TMCC1: variants seen among roughly 807,000 people sequenced by gnomAD.
TMCC1 encodes transmembrane and coiled-coil domains protein 1.
A neutral mutation model predicts 52.4 loss-of-function variants in TMCC1; 15 were observed. The observed-to-expected ratio is 0.29, with a 90% CI of 0.19 to 0.44. The LOEUF (loss-of-function observed/expected upper bound fraction) is 0.44, where lower values mean the gene tolerates loss of function less well. Ranked by LOEUF, TMCC1 falls within the 20% of genes least tolerant of loss-of-function variation. The pLI, the probability that TMCC1 is intolerant of heterozygous loss-of-function variation, is 1.00. For missense variants in TMCC1, 503 were observed against 806.0 expected (o/e 0.62, Z 4.55); for synonymous variants, 279 against 301.9 (o/e 0.92, Z 0.79).
chr3:129,686,678 T>G (rs1560189753), intron 4 of TMCC1, among the ~76,000 whole-genome samples: 1 of 152,118 alleles, frequency 6.6e-6, no homozygotes, highest in East Asian at 1.9e-4. Flanking sequence ...ATAAATTGTG[T>G]AAAGTGCTAC....
chr3:129,766,758 A>G (rs1231940343), intron 4 of TMCC1, among the ~76,000 whole-genome samples: 1 of 151,754 alleles, frequency 6.6e-6, no homozygotes, highest in East Asian at 1.9e-4. Context: ...AGCTGGGACT[A>G]CAGGCGTGCA....
intron 2 of TMCC1, among the ~76,000 whole-genome samples, chr3:129,866,319 TA>T (rs1359800958): frequency 2.1e-5 from 3 of 144,392 alleles, no homozygotes; most frequent in African/African-American, 7.6e-5. Context: ...ATATATTATA[TA>T]TACATATATA....
chr3:129,849,444 A>G (rs915342875), intron 2 of TMCC1, among the ~76,000 whole-genome samples: 7 of 151,350 alleles, frequency 4.6e-5, no homozygotes, highest in African/African-American at 1.7e-4. Context: ...CCTGGGCAAC[A>G]GAGCGAGACT....
At chr3:129,722,153 T>C (rs563624736) in intron 4 of TMCC1, among the ~76,000 whole-genome samples, 19 of 152,226 alleles carry the variant, frequency 1.2e-4, no homozygotes, top group African/African-American at 4.1e-4. Flanking sequence ...CGCAGACCAG[T>C]ACAGGTCAGT....
chr3:129,878,661 T>C (rs929638549), intron 2 of TMCC1, among the ~76,000 whole-genome samples: 1 of 152,102 alleles, frequency 6.6e-6, no homozygotes, highest in African/African-American at 2.4e-5. Flanking sequence ...ATAAATCAGA[T>C]CATGTCACCC....
At chr3:129,674,297 G>T (rs991812346) in intron 4 of TMCC1, among the ~76,000 whole-genome samples, 4 of 152,166 alleles carry the variant, frequency 2.6e-5, no homozygotes, top group African/African-American at 9.7e-5. Context: ...GCCATAGTGT[G>T]TCCTGGCTCC....
chr3:129,866,149 C>T (rs2060617096), intron 2 of TMCC1, among the ~76,000 whole-genome samples: 1 of 151,534 alleles, frequency 6.6e-6, no homozygotes, highest in African/African-American at 2.4e-5. Flanking sequence ...TCTAAACTTA[C>T]GATTATGAAA....
intron 1 of TMCC1, among the ~76,000 whole-genome samples, chr3:129,881,010 C>T (rs1407140630): frequency 6.6e-6 from 1 of 152,006 alleles, no homozygotes; most frequent in African/African-American, 2.4e-5. Context: ...ATAACAGGCG[C>T]TTACCACCAT....
rs2086191393 is a variant in TMCC1, at chr3:129,649,313, T to C, written c.*2168A>G. The C allele has an allele frequency of 6.6e-6, 1 of 152,242 alleles. No individual in the cohort carries two copies. Among genetic ancestry groups the C allele is most frequent in the African/African-American group, 2.4e-5 (1 of 41,464 alleles). 9.4% of individuals were successfully genotyped at this position (152,242 alleles called of 1,614,324 possible). A position where few individuals can be genotyped will look rare whatever the true frequency, so the allele number is the denominator to read the frequency against. On this transcript the variant is annotated 3_prime_UTR_variant, in exon 7 of 7. Transcript: ENST00000393238. ...AGTTCAAAAAGTTCATAGTGTCCTTTGGCACTCCTGCCTAAAAAGTCACTG... is the reference window on the plus strand; with the variant it reads ...AGTTCAAAAAGTTCATAGTGTCCTTCGGCACTCCTGCCTAAAAAGTCACTG...
At position 129,828,463 on chromosome 3, in the gene TMCC1, A is replaced by C; in HGVS notation, c.-85T>G. The C allele has an allele frequency of 7.7e-7, 1 of 1,301,024 alleles. No individual in the cohort carries two copies. Among genetic ancestry groups the C allele is most frequent in the South Asian group, 1.4e-5 (1 of 72,818 alleles). 80.6% of individuals were successfully genotyped at this position (1,301,024 alleles called of 1,614,324 possible). On this transcript the variant is annotated 5_prime_UTR_variant, in exon 4 of 7. It removes the in-frame stop codon of an upstream open reading frame in the 5' UTR. Transcript: ENST00000393238. This position sits in a 1 kb window ranked among gnomAD's most constrained non-coding sequence, Gnocchi z 4.1. ...GTCAAATTAGGTAGGCATTTGCTTCAACAGTGACTACGCATGCAGCTGTGA... is the reference window on the plus strand; with the variant it reads ...GTCAAATTAGGTAGGCATTTGCTTCCACAGTGACTACGCATGCAGCTGTGA...
intron 6 of TMCC1, among the ~76,000 whole-genome samples, chr3:129,652,218 T>C (rs2086376121): frequency 6.6e-6 from 1 of 152,264 alleles, no homozygotes; most frequent in African/African-American, 2.4e-5. Context: ...ACTGTTTGTG[T>C]TCACCCTTTT....
intron 1 of TMCC1, among the ~76,000 whole-genome samples, chr3:129,891,829 A>T (rs1262553341): frequency 6.6e-6 from 1 of 152,232 alleles, no homozygotes; most frequent in Admixed American, 6.5e-5. Flanking sequence ...CTGAGCCATT[A>T]TATGTTCTGC....
chr3:129,799,059 G>A (rs2057025022), intron 4 of TMCC1, among the ~76,000 whole-genome samples: 1 of 152,176 alleles, frequency 6.6e-6, no homozygotes, highest in Non-Finnish European at 1.5e-5. Context: ...AGAGGAATTT[G>A]TTAAGTAGTA....
At chr3:129,715,023 A>G (rs905565517) in intron 4 of TMCC1, among the ~76,000 whole-genome samples, 3 of 152,194 alleles carry the variant, frequency 2.0e-5, no homozygotes, top group Non-Finnish European at 4.4e-5. Context: ...TAGGGTCCTA[A>G]GTATATCTGC....
At chr3:129,742,869 T>C (rs2051583485) in intron 4 of TMCC1, among the ~76,000 whole-genome samples, 1 of 152,168 alleles carries the variant, frequency 6.6e-6, no homozygotes, top group Admixed American at 6.5e-5. Flanking sequence ...AACAATGTGC[T>C]AAATAAAAGT....
chr3:129,707,462 T>C (rs556252047), intron 4 of TMCC1, among the ~76,000 whole-genome samples: 11 of 152,190 alleles, frequency 7.2e-5, no homozygotes, highest in Non-Finnish European at 1.5e-4. Context: ...GCAATAAATG[T>C]GGAAGACCTC....
At chr3:129,819,514 C>T (rs1264291717) in intron 4 of TMCC1, among the ~76,000 whole-genome samples, 1 of 152,170 alleles carries the variant, frequency 6.6e-6, no homozygotes, top group Non-Finnish European at 1.5e-5. Context: ...TTAAACTCTA[C>T]AACTTTTGCC....
chr3:129,775,185 T>A (rs1394674745), intron 4 of TMCC1, among the ~76,000 whole-genome samples: 1 of 151,970 alleles, frequency 6.6e-6, no homozygotes, highest in Non-Finnish European at 1.5e-5. Context: ...TGGCTCACAT[T>A]TGTAATTCCA....
chr3:129,777,629 C>T (rs1378424067), intron 4 of TMCC1, among the ~76,000 whole-genome samples: 2 of 152,188 alleles, frequency 1.3e-5, no homozygotes, highest in South Asian at 2.1e-4. Flanking sequence ...TATTCTAGAC[C>T]AAGACCTCTT....
Sources: gnomAD v4.1 joint callset for allele counts (sites outside exome capture counted in the v4.1 genomes callset) on GRCh38, gnomAD v4.1.1 for gene constraint, Gnocchi (gnomAD v3.1) non-coding constraint, MANE v1.5 for transcripts, NCBI Gene and HGNC (gene_info 2026-07-23, HGNC 2026-07-21) for gene names.